The following ZSCAN25 variants were observed in gnomAD, a reference collection of about 807,000 sequenced individuals.
ZSCAN25 encodes the protein zinc finger and SCAN domain containing 25.
ZSCAN25 carries 27 observed loss-of-function variants against 38.7 expected under a neutral mutation model. That is an observed-to-expected ratio of 0.70 (90% CI 0.51 to 0.96). The LOEUF is 0.96. ZSCAN25 is among the 40% of genes least tolerant of loss of function. The pLI is 0.00. For synonymous variants in ZSCAN25, 273 were observed against 277.7 expected (o/e 0.98, Z 0.17); for missense variants, 637 against 705.9 (o/e 0.90, Z 1.11).
the ZSCAN25 span, chr7:99,664,077 G>A: frequency 4.4e-6 from 7 of 1,589,652 alleles, no homozygotes; most frequent in African/African-American, 4.1e-5. Flanking sequence ...AAAAACTGGG[G>A]TAAGGAATGG....
chr7:99,630,150 AAGG>A lies in ZSCAN25; in HGVS notation c.*131_*133del, dbSNP rs34572337. On this transcript the variant is annotated 3_prime_UTR_variant, in exon 8 of 8. Transcript: ENST00000394152. ...ACCCATTCGCCAACGCGGGAAAGGCAAGGCCTGGCTTACTTAGAGCTTCCAGAG... is the reference window on the plus strand; with the variant it reads ...ACCCATTCGCCAACGCGGGAAAGGCACCTGGCTTACTTAGAGCTTCCAGAG... 10,903 of 1,425,534 alleles carry A rather than the reference AAGG, an allele frequency of 7.6e-3. 586 individuals carry two copies. The African/African-American group carries it at 0.13, about 17-fold the overall frequency. 88.3% of individuals were successfully genotyped at this position (1,425,534 alleles called of 1,614,324 possible).
At position 99,624,757 on chromosome 7, in the gene ZSCAN25, G is replaced by A. The variant is rs116037299; in HGVS notation, c.805+577G>A. Among the ~76,000 whole-genome samples the A allele has an allele frequency of 6.7e-3, 1,021 of 152,268 alleles. 19 individuals carry two copies. The highest frequency in any genetic ancestry group is 0.022 in the African/African-American group (897 of 41,538). On this transcript the variant is annotated intron_variant, in intron 7 of 7. Coordinates refer to ENST00000394152, the MANE Select transcript of ZSCAN25 (RefSeq NM_145115.3). ...CTGGGCTCAGAGCCTGGGGGGATGC[G>A]GCCATTGTGTGTGACAGCAGCTCAT...
the ZSCAN25 span, among the ~76,000 whole-genome samples, chr7:99,698,077 C>G: frequency 5.1e-4 from 29 of 56,368 alleles, no homozygotes; most frequent in African/African-American, 7.4e-4. Context: ...TTCTAGCTCC[C>G]CTCTGGTAGA....
the ZSCAN25 span, among the ~76,000 whole-genome samples, chr7:99,651,555 G>GTATTA: frequency 6.6e-6 from 1 of 152,168 alleles, no homozygotes; most frequent in African/African-American, 2.4e-5. Context: ...CTGTGAACAA[G>GTATTA]TATTATGTGC....
the ZSCAN25 span, chr7:99,660,767 A>G: frequency 2.2e-6 from 3 of 1,334,624 alleles, no homozygotes; most frequent in African/African-American, 1.5e-5. Context: ...AAAATGGAAA[A>G]GCAATTCAAA....
intron 7 of ZSCAN25, among the ~76,000 whole-genome samples, chr7:99,625,246 T>C (rs1807371070): frequency 6.6e-6 from 1 of 152,126 alleles, no homozygotes; most frequent in Admixed American, 6.5e-5. Flanking sequence ...TATCTAAATG[T>C]GTGGTGACCA....
At chr7:99,638,700 A>T in the ZSCAN25 span, 1 of 1,411,454 alleles carries the variant, frequency 7.1e-7, no homozygotes, top group South Asian at 1.1e-5. Flanking sequence ...TGCCGGCCGC[A>T]TCCAGGCGCA....
chr7:99,674,992 A>C, the ZSCAN25 span, among the ~76,000 whole-genome samples: 1 of 152,248 alleles, frequency 6.6e-6, no homozygotes, highest in Non-Finnish European at 1.5e-5. Flanking sequence ...AATCTCCTCC[A>C]TCAGTATCCT....
chr7:99,695,620 C>T, the ZSCAN25 span: 1 of 778,594 alleles, frequency 1.3e-6, no homozygotes, highest in African/African-American at 1.8e-5. Context: ...CTGGATGATG[C>T]CTATACACTG....
At chr7:99,627,865 T>A (rs542192735) in intron 7 of ZSCAN25, among the ~76,000 whole-genome samples, 1 of 152,086 alleles carries the variant, frequency 6.6e-6, no homozygotes, top group African/African-American at 2.4e-5. Flanking sequence ...ATATGCAGGG[T>A]ATAGTGATGG....
At chr7:99,733,014 C>CT in the ZSCAN25 span, among the ~76,000 whole-genome samples, 1 of 152,182 alleles carries the variant, frequency 6.6e-6, no homozygotes, top group Non-Finnish European at 1.5e-5. Flanking sequence ...TAAAATACAA[C>CT]TAAGAAACAG....
chr7:99,636,001 C>A (rs1225876431), downstream of ZSCAN25, among the ~76,000 whole-genome samples: 3 of 143,604 alleles, frequency 2.1e-5, no homozygotes, highest in Admixed American at 7.2e-5. Context: ...GAGTGGAGAT[C>A]GCGCCACTGC....
At chr7:99,658,406 G>T in the ZSCAN25 span, among the ~76,000 whole-genome samples, 1 of 152,078 alleles carries the variant, frequency 6.6e-6, no homozygotes, top group Admixed American at 6.5e-5. Context: ...GTTGAATATT[G>T]GCCCCCACTC....
chr7:99,625,770 A>G (rs1303338068), intron 7 of ZSCAN25, among the ~76,000 whole-genome samples: 1 of 151,968 alleles, frequency 6.6e-6, no homozygotes, highest in Non-Finnish European at 1.5e-5. Flanking sequence ...GCCATTTCTG[A>G]CTGTTCTGGA....
At position 99,631,802 on chromosome 7, in the gene ZSCAN25, C is replaced by A. The variant is rs1808019236; in HGVS notation, c.*1782C>A. 2 of 985,446 alleles carry A rather than the reference C, an allele frequency of 2.0e-6. No individual in the cohort carries two copies. Among genetic ancestry groups the A allele is most frequent in the Non-Finnish European group, 2.4e-6 (2 of 829,940 alleles). 61.0% of individuals were successfully genotyped at this position (985,446 alleles called of 1,614,324 possible). ...TGGCTCATTAGCTGTGCCCACGAGG[C>A]TGCACTGACTGGGTCGTAAATGTAT... On this transcript the variant is annotated 3_prime_UTR_variant, in exon 8 of 8. Transcript: ENST00000394152.
chr7:99,710,816 G>A, the ZSCAN25 span: 2 of 1,613,778 alleles, frequency 1.2e-6, no homozygotes, highest in African/African-American at 2.7e-5. Flanking sequence ...TAATGAAGGA[G>A]AGAACACTGC....
In ZSCAN25 at chr7:99,631,378, A is replaced by G; in HGVS notation, c.*1358A>G. 1.0e-6 allele frequency: 1 copy of G among 985,356 alleles called. No individual in the cohort carries two copies. The allele number at this position is 985,356 out of a possible 1,614,324, so 61.0% of individuals were successfully genotyped here. A position where few individuals can be genotyped will look rare whatever the true frequency, so the allele number is the denominator to read the frequency against. ...TAAAAAAAAATACATTTCTTTAAAA[A>G]TGAGAAGATGCAATATTTGTAAACT... On this transcript the variant is annotated 3_prime_UTR_variant, in exon 8 of 8. Coordinates refer to ENST00000394152, the MANE Select transcript of ZSCAN25 (RefSeq NM_145115.3).
downstream of ZSCAN25, among the ~76,000 whole-genome samples, chr7:99,636,020 C>T (rs1808267556): frequency 1.5e-5 from 2 of 134,052 alleles, no homozygotes; most frequent in South Asian, 2.3e-4. Flanking sequence ...GCACTCCAGC[C>T]TGGGCAACAG....
the ZSCAN25 span, among the ~76,000 whole-genome samples, chr7:99,655,020 C>T: frequency 5.5e-4 from 83 of 152,274 alleles, 1 homozygote; most frequent in African/African-American, 1.9e-3. Context: ...TTCTCCCATT[C>T]TGTCGGTTGC....
Sources: gnomAD v4.1 joint callset for allele counts (sites outside exome capture counted in the v4.1 genomes callset) on GRCh38, gnomAD v4.1.1 for gene constraint, MANE v1.5 for transcripts, NCBI Gene and HGNC (gene_info 2026-07-23, HGNC 2026-07-21) for gene names.